Variants in KCNT1 observed in about 807,000 individuals in gnomAD.
The protein encoded by KCNT1 is potassium channel subfamily T member 1.
A neutral mutation model predicts 147.8 loss-of-function variants in KCNT1; 78 were observed. The observed-to-expected ratio is 0.53, with a 90% CI of 0.44 to 0.64. The LOEUF is 0.64. Among genes scored for constraint, KCNT1 ranks in the 30% least tolerant of loss-of-function variants. The pLI is 0.00. For missense variants in KCNT1, 1,419 were observed against 1,750.3 expected (o/e 0.81, Z 3.38); for synonymous variants, 867 against 748.8 (o/e 1.16, Z -2.58).
At chr9:135,742,789 T>G in intron 2 of KCNT1, 1 of 717,340 alleles carries the variant, frequency 1.4e-6, no homozygotes, top group Non-Finnish European at 2.6e-6. Flanking sequence ...GTAGAAGATT[T>G]CAGCCTGGAC....
At chr9:135,729,198 C>T (rs915032731) in intron 2 of KCNT1, among the ~76,000 whole-genome samples, 2 of 152,248 alleles carry the variant, frequency 1.3e-5, no homozygotes, top group Non-Finnish European at 2.9e-5. Flanking sequence ...TCTACTCACA[C>T]GTGCCCTCTG....
intron 2 of KCNT1, among the ~76,000 whole-genome samples, chr9:135,733,599 C>T (rs1830217663): frequency 8.9e-6 from 1 of 112,918 alleles, no homozygotes; most frequent in Non-Finnish European, 1.8e-5. Context: ...TGCCTTTGCA[C>T]CTGCCCCCAC....
At chr9:135,784,481 G>GCCTC in intron 25 of KCNT1, 54 bp from the exon 26 acceptor site, 1 of 598,692 alleles carries the variant, frequency 1.7e-6, no homozygotes, top group Non-Finnish European at 3.0e-6. Context: ...GCCTCACTGT[G>GCCTC]GCTCCCTCCC....
intron 28 of KCNT1, chr9:135,785,721 C>T (rs1039643656): frequency 1.5e-5 from 7 of 473,140 alleles, no homozygotes; most frequent in Non-Finnish European, 2.7e-5. Flanking sequence ...CCCCACGACC[C>T]ACAGGCTCTG....
At chr9:135,778,212 C>T (rs1032320754) in intron 21 of KCNT1, among the ~76,000 whole-genome samples, 1 of 152,204 alleles carries the variant, frequency 6.6e-6, no homozygotes, top group Non-Finnish European at 1.5e-5. Context: ...TGTGTGACCT[C>T]AGCAGGTCCC....
At chr9:135,716,774 C>T (rs1452311529) in intron 2 of KCNT1, among the ~76,000 whole-genome samples, 2 of 152,136 alleles carry the variant, frequency 1.3e-5, no homozygotes, top group African/African-American at 4.8e-5. Context: ...AGGAAAGGCC[C>T]ATGGGGTACA....
intron 2 of KCNT1, among the ~76,000 whole-genome samples, chr9:135,741,234 C>T (rs115386176): frequency 6.6e-6 from 1 of 152,200 alleles, no homozygotes; most frequent in Non-Finnish European, 1.5e-5. Context: ...TCAGTAGACA[C>T]TCAGCTAGGG....
At position 135,714,703 on chromosome 9, in the gene KCNT1, C is replaced by T. The variant is rs749179872; in HGVS notation, c.237C>T (p.Ser79=). The change falls in exon 2 of 31, where the codon TCC becomes TCT. Residue 79 remains serine, a synonymous_variant. Coordinates refer to ENST00000371757, the MANE Select transcript of KCNT1 (RefSeq NM_020822.3). The surrounding 1 kb of genome is among the most constrained non-coding windows in gnomAD (Gnocchi z 6.2). ...GGGACCTGCTGCTGGGCGACCCGTC[C>T]TTCCAGAACGACGACAGGTAGGGAC... ...RFRDLLLGDP[S]FQNDDRVQVE... 7 of 1,445,656 alleles carry T rather than the reference C, an allele frequency of 4.8e-6. No homozygotes were observed. In the African/African-American group the frequency reaches 9.0e-5, roughly 19 times the overall value. The allele number at this position is 1,445,656 out of a possible 1,614,324, so 89.6% of individuals were successfully genotyped here. A position where few individuals can be genotyped will look rare whatever the true frequency, so the allele number is the denominator to read the frequency against.
chr9:135,746,132 C>A (rs1023934351), intron 2 of KCNT1, among the ~76,000 whole-genome samples: 1 of 152,176 alleles, frequency 6.6e-6, no homozygotes, highest in East Asian at 1.9e-4. Context: ...GAGAAGTGGG[C>A]GGCCACAGTT....
At chr9:135,759,555 C>T (rs1831763912) in intron 10 of KCNT1, 124 bp from the exon 11 acceptor site, 13 of 1,030,398 alleles carry the variant, frequency 1.3e-5, no homozygotes, top group Admixed American at 3.6e-5. Flanking sequence ...GGGCGGGGCT[C>T]GCCTGGTGAT....
In KCNT1 at chr9:135,792,198, G is replaced by A; in HGVS notation, c.*37G>A. 1 of 1,591,564 alleles carries A rather than the reference G, an allele frequency of 6.3e-7. No individual in the cohort carries two copies. The highest frequency in any genetic ancestry group is 8.5e-7 in the Non-Finnish European group (1 of 1,172,514). On this transcript the variant is annotated 3_prime_UTR_variant, in exon 31 of 31. Transcript: ENST00000371757. ...ACGGAGCTCAGGCCACCAAGCCCGG[G>A]GTCCTCAGGAAGGACGTGGAGGAGC... is the stretch of plus-strand genomic sequence containing the variant.
chr9:135,708,288 A>T (rs994660317), intron 1 of KCNT1, among the ~76,000 whole-genome samples: 3 of 152,230 alleles, frequency 2.0e-5, no homozygotes, highest in Non-Finnish European at 4.4e-5. Flanking sequence ...ATACATGCAC[A>T]TTGTACATAC....
intron 15 of KCNT1, among the ~76,000 whole-genome samples, chr9:135,769,258 C>G (rs12683761): frequency 8.3e-6 from 1 of 120,706 alleles, no homozygotes; most frequent in African/African-American, 3.3e-5. Flanking sequence ...TGGGGCAGGG[C>G]GCGTGTGCAT....
At chr9:135,783,925 C>T in intron 24 of KCNT1, 99 bp from the exon 25 acceptor site, 1 of 833,196 alleles carries the variant, frequency 1.2e-6, no homozygotes. Context: ...GTATCATGCA[C>T]ACATGTACGG....
chr9:135,725,209 G>A (rs1308174041), intron 2 of KCNT1, among the ~76,000 whole-genome samples: 2 of 152,008 alleles, frequency 1.3e-5, no homozygotes, highest in Non-Finnish European at 2.9e-5. Context: ...TCAGAAGGAG[G>A]GGTCTGTGGA....
At chr9:135,772,317 C>T (rs762289694) in intron 18 of KCNT1, among the ~76,000 whole-genome samples, 1 of 152,176 alleles carries the variant, frequency 6.6e-6, no homozygotes, top group South Asian at 2.1e-4. Context: ...AGTCTGCTCC[C>T]ACAGGCACTG....
intron 1 of KCNT1, among the ~76,000 whole-genome samples, chr9:135,711,262 T>C (rs554238968): frequency 1.3e-5 from 2 of 152,188 alleles, no homozygotes; most frequent in African/African-American, 4.8e-5. Context: ...TTAAGCACTT[T>C]GTCAGACAGC....
chr9:135,767,808 A>T (rs936691250), intron 13 of KCNT1, among the ~76,000 whole-genome samples: 1 of 151,886 alleles, frequency 6.6e-6, no homozygotes, highest in Non-Finnish European at 1.5e-5. Flanking sequence ...CAACTTAGGG[A>T]CAAGCTGGGG....
intron 29 of KCNT1, 82 bp downstream of exon 29, chr9:135,786,603 C>A: frequency 1.5e-6 from 2 of 1,317,610 alleles, no homozygotes. Flanking sequence ...TCGGCCACGG[C>A]GTCCCGGGGC....
Sources: allele counts gnomAD v4.1 joint callset (sites outside exome capture counted in the v4.1 genomes callset), GRCh38; gene constraint gnomAD v4.1.1; non-coding constraint Gnocchi (gnomAD v3.1); transcripts MANE v1.5; gene names NCBI Gene and HGNC (gene_info 2026-07-23, HGNC 2026-07-21).